UBE2E2: variants seen among roughly 807,000 people sequenced by gnomAD.
The protein encoded by UBE2E2 is ubiquitin-conjugating enzyme E2 E2.
Under a neutral mutation model 24.7 loss-of-function variants are expected in UBE2E2, and 6 were observed. That is an observed-to-expected ratio of 0.24 (90% CI 0.13 to 0.48). The LOEUF (loss-of-function observed/expected upper bound fraction) is 0.48. Ranked by LOEUF, UBE2E2 falls within the 20% of genes least tolerant of loss-of-function variation. UBE2E2 has a pLI of 0.99. For missense variants in UBE2E2, 169 were observed against 245.0 expected, an observed-to-expected ratio of 0.69 and a Z score of 2.07; for synonymous variants, 104 against 83.6, an observed-to-expected ratio of 1.24 and a Z score of -1.33.
chr3:23,503,843 ACT>A (rs1235066326), intron 4 of UBE2E2, among the ~76,000 whole-genome samples: 2 of 149,440 alleles, frequency 1.3e-5, no homozygotes, highest in Admixed American at 1.3e-4. Context: ...ACGGAGCAAG[ACT>A]CTGTCTCTAA....
intron 3 of UBE2E2, among the ~76,000 whole-genome samples, chr3:23,495,917 C>G (rs1699588235): frequency 6.6e-6 from 1 of 150,930 alleles, no homozygotes; most frequent in African/African-American, 2.4e-5. Context: ...TTACTTCATC[C>G]TTTTTTAAAC....
intron 3 of UBE2E2, among the ~76,000 whole-genome samples, chr3:23,288,982 A>G (rs1298318007): frequency 1.3e-5 from 2 of 152,176 alleles, no homozygotes; most frequent in Non-Finnish European, 2.9e-5. Flanking sequence ...TACCCTCTTC[A>G]GTGACTCTTT....
intron 3 of UBE2E2, among the ~76,000 whole-genome samples, chr3:23,359,705 G>C (rs1181568168): frequency 6.6e-6 from 1 of 151,894 alleles, no homozygotes; most frequent in Non-Finnish European, 1.5e-5. Context: ...TGAGCATGGA[G>C]GTGTTTTTAT....
At chr3:23,539,236 A>C (rs1181694740) in intron 5 of UBE2E2, among the ~76,000 whole-genome samples, 1 of 152,184 alleles carries the variant, frequency 6.6e-6, no homozygotes, top group Non-Finnish European at 1.5e-5. Context: ...TCCTCCTCAA[A>C]CATCCAATTT....
chr3:23,515,117 T>C (rs1440231145), intron 4 of UBE2E2, among the ~76,000 whole-genome samples: 5 of 107,880 alleles, frequency 4.6e-5, no homozygotes, highest in Non-Finnish European at 7.2e-5. Context: ...AAAATAAACT[T>C]GGGGTGTGTG....
intron 3 of UBE2E2, among the ~76,000 whole-genome samples, chr3:23,376,421 A>T (rs1253449517): frequency 6.6e-6 from 1 of 152,234 alleles, no homozygotes; most frequent in East Asian, 1.9e-4. Flanking sequence ...GAATAACGTG[A>T]ACAGATCTCA....
At chr3:23,501,032 C>G (rs1699709521) in intron 4 of UBE2E2, among the ~76,000 whole-genome samples, 1 of 152,184 alleles carries the variant, frequency 6.6e-6, no homozygotes, top group Non-Finnish European at 1.5e-5. Flanking sequence ...CTTATCTTCT[C>G]CCTTTACTGG....
In UBE2E2 at chr3:23,400,982, G is replaced by A. The variant is rs140290909; in HGVS notation, c.228-98626G>A. Among the ~76,000 whole-genome samples, 363 of 152,350 alleles carry A rather than the reference G, an allele frequency of 2.4e-3. 3 individuals carry two copies. Among genetic ancestry groups the A allele is most frequent in the African/African-American group, 8.3e-3 (346 of 41,584 alleles). Reference sequence around the variant, plus strand: ...TAAGAAAATAATCAGATGTGAAGATGTGCTCTGTAGATAATTAAAATGGAA... The same window carrying A: ...TAAGAAAATAATCAGATGTGAAGATATGCTCTGTAGATAATTAAAATGGAA... On this transcript the variant is annotated intron_variant, in intron 3 of 5. Coordinates refer to ENST00000396703, the MANE Select transcript of UBE2E2 (RefSeq NM_152653.4).
At position 23,255,374 on chromosome 3, in the gene UBE2E2, G is replaced by C. The variant is rs893633787; in HGVS notation, c.227+38062G>C. Among the ~76,000 whole-genome samples the C allele has an allele frequency of 1.4e-4, 22 of 152,044 alleles. No homozygotes were observed. The East Asian group carries it at 3.9e-3, about 27-fold the overall frequency. On this transcript the variant is annotated intron_variant, in intron 3 of 5. Coordinates refer to ENST00000396703, the MANE Select transcript of UBE2E2 (RefSeq NM_152653.4). ...CTCCCAAAGTGCTGGGATTACAGGC[G>C]TGAGCTACCATGCCAGGACAAGGAG... is the stretch of plus-strand genomic sequence containing the variant.
At chr3:23,497,620 G>A (rs766661835) in intron 3 of UBE2E2, among the ~76,000 whole-genome samples, 24 of 151,998 alleles carry the variant, frequency 1.6e-4, no homozygotes, top group Admixed American at 2.6e-4. Flanking sequence ...GTAAGAGATC[G>A]GTATATATTT....
intron 4 of UBE2E2, among the ~76,000 whole-genome samples, chr3:23,503,300 C>T (rs1694326425): frequency 6.6e-6 from 1 of 151,962 alleles, no homozygotes; most frequent in Non-Finnish European, 1.5e-5. Context: ...AGCAGTTTTC[C>T]TGCCTCAGCC....
chr3:23,539,449 G>A (rs1337164639), intron 5 of UBE2E2, among the ~76,000 whole-genome samples: 2 of 152,130 alleles, frequency 1.3e-5, no homozygotes, highest in African/African-American at 2.4e-5. Flanking sequence ...AAAGTTTAAA[G>A]TTTCACCCTT....
chr3:23,526,403 C>A (rs1166278927), intron 4 of UBE2E2, among the ~76,000 whole-genome samples: 1 of 152,092 alleles, frequency 6.6e-6, no homozygotes, highest in Non-Finnish European at 1.5e-5. Flanking sequence ...CGCTCTTTTA[C>A]CTAAAAAACA....
At chr3:23,444,060 G>GT (rs1359491293) in intron 3 of UBE2E2, among the ~76,000 whole-genome samples, 2,377 of 125,574 alleles carry the variant, frequency 0.019, 81 homozygotes, top group African/African-American at 0.073. Flanking sequence ...TTCTTCACCA[G>GT]TTTTGTTTTT....
At chr3:23,372,389 T>C (rs973701786) in intron 3 of UBE2E2, among the ~76,000 whole-genome samples, 1 of 152,248 alleles carries the variant, frequency 6.6e-6, no homozygotes, top group Non-Finnish European at 1.5e-5. Context: ...ATTTCACTTA[T>C]AACTGTCATG....
intron 3 of UBE2E2, among the ~76,000 whole-genome samples, chr3:23,256,272 G>T (rs1159129618): frequency 6.6e-6 from 1 of 152,140 alleles, no homozygotes; most frequent in Non-Finnish European, 1.5e-5. Flanking sequence ...GTCTCATCAT[G>T]ATATTTCTAA....
At chr3:23,560,515 C>T (rs1403872924) in intron 5 of UBE2E2, among the ~76,000 whole-genome samples, 6 of 151,850 alleles carry the variant, frequency 4.0e-5, no homozygotes, top group Admixed American at 1.3e-4. Flanking sequence ...TGAGTAGTGC[C>T]ACAATAAACA....
chr3:23,533,343 A>G (rs1695170216), intron 5 of UBE2E2, among the ~76,000 whole-genome samples: 1 of 152,202 alleles, frequency 6.6e-6, no homozygotes, highest in Non-Finnish European at 1.5e-5. Flanking sequence ...ACAAAAATCC[A>G]AAGATAGCTA....
intron 4 of UBE2E2, among the ~76,000 whole-genome samples, chr3:23,532,077 GAAAA>G (rs1000058500): frequency 5.7e-4 from 81 of 143,322 alleles, no homozygotes; most frequent in South Asian, 2.5e-3. Flanking sequence ...AAAAAAAAAA[GAAAA>G]AAAAACTGTT....
Sources: gnomAD v4.1 joint callset for allele counts (sites outside exome capture counted in the v4.1 genomes callset) on GRCh38, gnomAD v4.1.1 for gene constraint, MANE v1.5 for transcripts, NCBI Gene and HGNC (gene_info 2026-07-23, HGNC 2026-07-21) for gene names.